Variants in SCAP observed in about 807,000 individuals in gnomAD.
SCAP encodes SREBF chaperone, also known as sterol regulatory element-binding protein cleavage-activating protein.
A neutral mutation model predicts 123.6 loss-of-function variants in SCAP; 65 were observed. That is an observed-to-expected ratio of 0.53 (90% confidence interval 0.43 to 0.65). The LOEUF is 0.65. SCAP is among the 30% of genes least tolerant of loss of function. The pLI is 0.00. For missense variants in SCAP, 1,398 were observed against 1,712.5 expected (o/e 0.82, Z 3.24); for synonymous variants, 740 against 726.3 (o/e 1.02, Z -0.30).
At position 47,438,319 on chromosome 3, in the gene SCAP, TC is replaced by T. The variant is rs1706663516; in HGVS notation, c.123-3183del. Among the ~76,000 whole-genome samples, 4 of 152,068 alleles carry T rather than the reference TC, an allele frequency of 2.6e-5. No homozygotes were observed. The South Asian group carries it at 8.3e-4, about 32-fold the overall frequency. ...CTGGCTTTTCCATCTTTACCTACAC[TC>T]AAAAACCATTTATTAAGTATGTATT... On this transcript the variant is annotated intron_variant, in intron 2 of 22. Coordinates refer to ENST00000265565, the MANE Select transcript of SCAP (RefSeq NM_012235.4).
chr3:47,452,677 C>T (rs539662238), intron 1 of SCAP, among the ~76,000 whole-genome samples: 1 of 152,126 alleles, frequency 6.6e-6, no homozygotes, highest in Non-Finnish European at 1.5e-5. Flanking sequence ...TTTAACACAC[C>T]CTCCAGCTGA....
chr3:47,443,306 T>TCCCC lies in SCAP; in HGVS notation c.-98-216_-98-215insGGGG, dbSNP rs752720257. On this transcript the variant is annotated intron_variant, in intron 1 of 22. Coordinates refer to ENST00000265565, the MANE Select transcript of SCAP (RefSeq NM_012235.4). ...CTCTCTCTCTCTCTCTCTCTCTCTC[T>TCCCC]CTCTCCCTCCCCGCCCAACTCCCTC... is the stretch of plus-strand genomic sequence containing the variant. The TCCCC allele has an allele frequency of 2.3e-4, 22 of 96,048 alleles. 1 individual carries two copies. The highest frequency in any genetic ancestry group is 5.9e-3 in the Middle Eastern group (1 of 170). 5.9% of individuals were successfully genotyped at this position (96,048 alleles called of 1,614,324 possible).
chr3:47,420,543 G>T lies in SCAP; in HGVS notation c.1563+11C>A, dbSNP rs754228428. 1 of 1,576,476 alleles carries T rather than the reference G, an allele frequency of 6.3e-7. No individual in the cohort carries two copies. Among genetic ancestry groups the T allele is most frequent in the East Asian group, 2.3e-5 (1 of 43,256 alleles). On this transcript the variant is annotated intron_variant, in intron 12 of 22. Coordinates refer to ENST00000265565, the MANE Select transcript of SCAP (RefSeq NM_012235.4). This position sits in a 1 kb window ranked among gnomAD's most constrained non-coding sequence, Gnocchi z 5.0. ...CAGAAGAGGGCAGGGCAGGGCAGGGGTGGCAGGTACCATGATGAGGCGCTG... is the reference window on the plus strand; with the variant it reads ...CAGAAGAGGGCAGGGCAGGGCAGGGTTGGCAGGTACCATGATGAGGCGCTG...
intron 6 of SCAP, 100 bp from the exon 7 acceptor site, chr3:47,426,269 C>T (rs928692641): frequency 2.4e-5 from 29 of 1,218,446 alleles, no homozygotes; most frequent in Non-Finnish European, 3.3e-5. Flanking sequence ...CTCCCTCCTG[C>T]CCCTGTGTTG....
chr3:47,466,808 G>A (rs771175447), intron 1 of SCAP, among the ~76,000 whole-genome samples: 1 of 152,144 alleles, frequency 6.6e-6, no homozygotes, highest in African/African-American at 2.4e-5. Flanking sequence ...CTTTTGGCCG[G>A]GCGTGGTGGC....
At chr3:47,460,396 G>A (rs1012287963) in intron 1 of SCAP, among the ~76,000 whole-genome samples, 1 of 152,186 alleles carries the variant, frequency 6.6e-6, no homozygotes, top group Non-Finnish European at 1.5e-5. Flanking sequence ...AAAGACAGGT[G>A]TAAGAAATTA....
chr3:47,416,615 CTTTTTTTTTTTT>C (rs3077503), intron 18 of SCAP, among the ~76,000 whole-genome samples: 6 of 70,184 alleles, frequency 8.5e-5, no homozygotes, highest in Admixed American at 1.9e-4. Context: ...ACCCCTAACG[CTTTTTTTTTTTT>C]TTTTTTTTTT....
Position 47,439,521 on chromosome 3 carries a change from T to C in SCAP, c.122+3351A>G, listed in dbSNP as rs1706717915. Among the ~76,000 whole-genome samples the C allele has an allele frequency of 6.6e-6, 1 of 152,230 alleles. No individual in the cohort carries two copies. The highest frequency in any genetic ancestry group is 1.5e-5 in the Non-Finnish European group (1 of 68,032). ...TGTCTCAATGATTCACATCACTCTC[T>C]GACCTGCACATAGGGCAGTCCAACT... On this transcript the variant is annotated intron_variant, in intron 2 of 22. Transcript: ENST00000265565. The surrounding 1 kb of genome is among the most constrained non-coding windows in gnomAD (Gnocchi z 4.0).
At chr3:47,422,802 A>C (rs867314047) in intron 9 of SCAP, 14 of 345,462 alleles carry the variant, frequency 4.1e-5, no homozygotes, top group East Asian at 1.8e-4. Flanking sequence ...AAGAGGGAAG[A>C]AGCAGAGTGT....
In SCAP at chr3:47,418,639, C is replaced by G; in HGVS notation, c.2129+16G>C. 6.3e-7 allele frequency: 1 copy of G among 1,591,760 alleles called. No individual in the cohort carries two copies. The highest frequency in any genetic ancestry group is 1.7e-5 in the Admixed American group (1 of 58,208). On this transcript the variant is annotated intron_variant, in intron 14 of 22. Transcript: ENST00000265565. ...CCCCGCACTCTTTCCCACCCCACCC[C>G]ACCCAGCAGCCTTACTTGTACAGCG...
intron 1 of SCAP, among the ~76,000 whole-genome samples, chr3:47,454,378 G>A (rs1437743980): frequency 6.6e-6 from 1 of 151,204 alleles, no homozygotes; most frequent in East Asian, 2.0e-4. Flanking sequence ...AAAAAAAAAA[G>A]AATAGACAGA....
chr3:47,454,240 A>ACCT (rs1190092284), intron 1 of SCAP, among the ~76,000 whole-genome samples: 1 of 151,870 alleles, frequency 6.6e-6, no homozygotes, highest in Non-Finnish European at 1.5e-5. Context: ...GGTGGCGGGC[A>ACCT]CCTGTAGTCC....
chr3:47,447,505 T>G (rs1173015703), intron 1 of SCAP, among the ~76,000 whole-genome samples: 1 of 151,720 alleles, frequency 6.6e-6, no homozygotes, highest in South Asian at 2.1e-4. Flanking sequence ...CTAGCCAATA[T>G]GGTGAAACCT....
intron 10 of SCAP, among the ~76,000 whole-genome samples, chr3:47,422,062 C>A (rs1705926565): frequency 6.6e-6 from 1 of 152,264 alleles, no homozygotes; most frequent in Non-Finnish European, 1.5e-5. Context: ...CCCCACGGTG[C>A]TTCTCCCTCA....
Position 47,413,948 on chromosome 3 carries a change from T to C in SCAP, c.3746A>G (p.Gln1249Arg). ...GKNSEAQPAR[Q>R]ILVLDNAAIV... is the part of the protein sequence containing the mutation. ...GGCAGCGTTGTCCAGCACCAGGATC[T>C]GGCGGGCAGGCTGGGCCTCACTGTT... The change falls in exon 23 of 23, where the codon CAG (glutamine) becomes CGG (arginine). Residue 1249 changes from glutamine (Q) to arginine (R), a missense_variant. Physicochemically the swap from Gln to Arg is conservative, Grantham distance 43 (BLOSUM62 1). This residue lies in a region of SCAP where 130 missense variants were observed against 166.7 expected (regional missense o/e 0.78). Transcript: ENST00000265565. 7 of 1,613,324 alleles carry C rather than the reference T, an allele frequency of 4.3e-6. No homozygotes were observed. Among genetic ancestry groups the C allele is most frequent in the Non-Finnish European group, 5.9e-6 (7 of 1,180,010 alleles).
At chr3:47,435,166 T>C (rs756774391) in intron 2 of SCAP, 29 bp from the exon 3 acceptor site, 21 of 1,599,256 alleles carry the variant, frequency 1.3e-5, no homozygotes, top group Admixed American at 3.4e-5. Flanking sequence ...AGATAAGAAT[T>C]AGACACTATG....
intron 2 of SCAP, among the ~76,000 whole-genome samples, chr3:47,436,506 C>T (rs1311040143): frequency 6.6e-6 from 1 of 151,818 alleles, no homozygotes; most frequent in East Asian, 1.9e-4. Flanking sequence ...TGGTGGTGTG[C>T]ACCTGTGGTC....
chr3:47,432,398 T>C (rs990368344), intron 3 of SCAP, among the ~76,000 whole-genome samples: 57 of 151,916 alleles, frequency 3.8e-4, no homozygotes, highest in African/African-American at 1.3e-3. Flanking sequence ...GGGAGCTCTT[T>C]CGATTGCCCC....
At chr3:47,452,730 T>C (rs1313910035) in intron 1 of SCAP, among the ~76,000 whole-genome samples, 1 of 152,154 alleles carries the variant, frequency 6.6e-6, no homozygotes, top group African/African-American at 2.4e-5. Context: ...CTACCAAACC[T>C]GGAGCCCAAG....
Sources: allele counts gnomAD v4.1 joint callset (sites outside exome capture counted in the v4.1 genomes callset), GRCh38; gene constraint gnomAD v4.1.1; regional missense constraint gnomAD v4.1.1; non-coding constraint Gnocchi (gnomAD v3.1); transcripts MANE v1.5; gene names NCBI Gene and HGNC (gene_info 2026-07-23, HGNC 2026-07-21).